Variants in TG observed in about 807,000 individuals in gnomAD.
TG encodes the protein thyroglobulin, also known as thyroid hormones.
Under a neutral mutation model 324.7 loss-of-function variants are expected in TG, and 270 were observed. The observed-to-expected ratio is 0.83, with a 90% CI of 0.75 to 0.92. The LOEUF (loss-of-function observed/expected upper bound fraction) is 0.92. Ranked by LOEUF, TG falls within the 40% of genes least tolerant of loss-of-function variation. The probability of loss-of-function intolerance (pLI) is 0.00; values close to 1 mark genes in which losing one functional copy is unlikely to be tolerated. For synonymous variants in TG, 1,401 were observed against 1,327.0 expected (o/e 1.06, Z -1.21); for missense variants, 3,591 against 3,456.4 (o/e 1.04, Z -0.98).
intron 41 of TG, chr8:133,036,879 T>G (rs1308338983): frequency 6.6e-6 from 1 of 152,590 alleles, no homozygotes; most frequent in Non-Finnish European, 1.5e-5. Flanking sequence ...CATAAGATAC[T>G]GTGCAGACAT....
chr8:133,065,771 T>C (rs1000357482), intron 41 of TG, among the ~76,000 whole-genome samples: 4 of 146,752 alleles, frequency 2.7e-5, no homozygotes, highest in Non-Finnish European at 5.9e-5. Flanking sequence ...TCAAAAATAA[T>C]AAAATAAAAT....
chr8:133,031,885 C>T (rs900681614), intron 41 of TG, among the ~76,000 whole-genome samples: 8 of 152,170 alleles, frequency 5.3e-5, no homozygotes, highest in African/African-American at 1.9e-4. Context: ...AGAAGCCTTC[C>T]TGACTTTTCA....
At chr8:132,955,294 G>A (rs1409280000) in intron 27 of TG, among the ~76,000 whole-genome samples, 2 of 152,168 alleles carry the variant, frequency 1.3e-5, no homozygotes, top group East Asian at 3.8e-4. Flanking sequence ...GTCGCAACCT[G>A]TCACCTGTTC....
chr8:132,933,915 C>T (rs1049496872), intron 24 of TG, among the ~76,000 whole-genome samples: 2 of 152,074 alleles, frequency 1.3e-5, no homozygotes, highest in South Asian at 2.1e-4. Context: ...GGCTTCCTGA[C>T]GAGTCAGTCA....
At chr8:132,911,785 C>T (rs565657377) in intron 19 of TG, among the ~76,000 whole-genome samples, 10 of 152,280 alleles carry the variant, frequency 6.6e-5, no homozygotes, top group African/African-American at 1.7e-4. Context: ...TGATTTTCTG[C>T]GTGCAGAGAG....
At position 132,867,094 on chromosome 8, in the gene TG, C is replaced by T. The variant is rs368948277; in HGVS notation, c.67+27C>T. The T allele has an allele frequency of 5.1e-5, 81 of 1,579,506 alleles. No homozygotes were observed. In the African/African-American group the frequency reaches 5.7e-4, roughly 11 times the overall value. ...TAAGTTCTGAGGCCATGGAGCCAGG[C>T]GGTGGGGAGGGAGCTCCAGTGTCAG... On this transcript the variant is annotated intron_variant, in intron 1 of 47. Transcript: ENST00000220616.
At chr8:132,957,766 C>CACACACAGACAG (rs1554680124) in intron 27 of TG, among the ~76,000 whole-genome samples, 6 of 145,492 alleles carry the variant, frequency 4.1e-5, no homozygotes, top group Admixed American at 2.1e-4. Flanking sequence ...CACACACACA[C>CACACACAGACAG]ACACACACAC....
At chr8:132,883,413 C>T (rs1368211830) in intron 8 of TG, among the ~76,000 whole-genome samples, 1 of 151,752 alleles carries the variant, frequency 6.6e-6, no homozygotes, top group African/African-American at 2.4e-5. Context: ...GAAGATGTTT[C>T]CTGAAGGAGA....
chr8:133,019,218 G>C (rs1184797616), intron 38 of TG, among the ~76,000 whole-genome samples: 1 of 152,208 alleles, frequency 6.6e-6, no homozygotes, highest in Non-Finnish European at 1.5e-5. Flanking sequence ...GTAGGACTCT[G>C]TACTGGTGTA....
chr8:132,995,251 A>C (rs1042199784), intron 35 of TG: 7 of 973,008 alleles, frequency 7.2e-6, no homozygotes, highest in African/African-American at 1.8e-5. Context: ...ACAAGTTGAG[A>C]TTTGGGTAAA....
chr8:132,928,828 A>G (rs1822264382), intron 22 of TG, among the ~76,000 whole-genome samples: 1 of 152,238 alleles, frequency 6.6e-6, no homozygotes. Context: ...AAGGACTAAC[A>G]TTAAATTTCC....
intron 35 of TG, among the ~76,000 whole-genome samples, chr8:132,989,344 A>T (rs1167222518): frequency 2.0e-5 from 3 of 152,234 alleles, no homozygotes. Flanking sequence ...TGTCCTCTCC[A>T]TTCTATGTGT....
At chr8:132,911,292 G>A in intron 18 of TG, 85 bp from the exon 19 acceptor site, 1 of 1,612,524 alleles carries the variant, frequency 6.2e-7, no homozygotes, top group Non-Finnish European at 8.5e-7. Flanking sequence ...AGTAACATAA[G>A]CCAAGTTCTG....
chr8:133,113,443 C>A lies in TG; in HGVS notation c.7594C>A (p.Arg2532=), dbSNP rs565384161. ...AVKQFEESRG[R]TSSKTAFYQA... ...CTAGCAATTTGAGGAAAGTCGAGGC[C>A]GGACCAGTAGCAAAACAGCCTTTTA... Residue 2532 remains arginine, a synonymous_variant, in exon 44 of 48, where the codon CGG becomes AGG. Transcript: ENST00000220616. 6.8e-6 allele frequency: 11 copies of A among 1,613,824 alleles called. No homozygotes were observed. The highest frequency in any genetic ancestry group is 9.3e-6 in the Non-Finnish European group (11 of 1,179,964).
chr8:133,069,331 A>T (rs1843593914), intron 41 of TG, among the ~76,000 whole-genome samples: 1 of 152,230 alleles, frequency 6.6e-6, no homozygotes. Flanking sequence ...CTGACACAGC[A>T]TTTGCCAGTG....
intron 32 of TG, among the ~76,000 whole-genome samples, chr8:132,970,225 T>G (rs1829313315): frequency 6.6e-6 from 1 of 152,120 alleles, no homozygotes; most frequent in Admixed American, 6.5e-5. Context: ...TTTTTAAAAT[T>G]TATTTTATGA....
chr8:133,124,110 A>T (rs574967988), intron 45 of TG, among the ~76,000 whole-genome samples: 1 of 152,368 alleles, frequency 6.6e-6, no homozygotes, highest in Admixed American at 6.5e-5. Flanking sequence ...AGCTGTAGCC[A>T]CTTCAGAGAG....
In TG at chr8:133,133,537, G is replaced by A; in HGVS notation, c.8065G>A (p.Val2689Ile). 1 of 1,614,184 alleles carries A rather than the reference G, an allele frequency of 6.2e-7. No homozygotes were observed. Among genetic ancestry groups the A allele is most frequent in the Non-Finnish European group, 8.5e-7 (1 of 1,180,040 alleles). ...PTFATPWPDF[V>I]PRAGGENYKE... ...ATTTGCAACCCCCTGGCCTGACTTT[G>A]TACCCCGTGCTGGTGGAGAGAACTA... The change falls in exon 47 of 48, where the codon GTA becomes ATA. Residue 2689 changes from valine (V) to isoleucine (I), a missense_variant. Val to Ile is a conservative substitution (Grantham distance 29). Coordinates refer to ENST00000220616, the MANE Select transcript of TG (RefSeq NM_003235.5).
intron 34 of TG, among the ~76,000 whole-genome samples, chr8:132,978,158 T>A (rs1332006318): frequency 6.6e-6 from 1 of 152,192 alleles, no homozygotes; most frequent in East Asian, 1.9e-4. Flanking sequence ...TGGAGAAGCC[T>A]CAGGAAGCTT....
Sources: allele counts gnomAD v4.1 joint callset (sites outside exome capture counted in the v4.1 genomes callset), GRCh38; gene constraint gnomAD v4.1.1; transcripts MANE v1.5; gene names NCBI Gene and HGNC (gene_info 2026-07-23, HGNC 2026-07-21).